TMEM39A: variants seen among roughly 807,000 people sequenced by gnomAD.
TMEM39A encodes suppressor of SQST-1 aggregates in rpl-43 mutants.
Under a neutral mutation model 51.9 loss-of-function variants are expected in TMEM39A, and 19 were observed. That is an observed-to-expected ratio of 0.37 (90% CI 0.26 to 0.54). The LOEUF (loss-of-function observed/expected upper bound fraction) is 0.54. Among genes scored for constraint, TMEM39A ranks in the 20% least tolerant of loss-of-function variants. The probability of loss-of-function intolerance (pLI) is 0.88; values close to 1 mark genes in which losing one functional copy is unlikely to be tolerated. For synonymous variants in TMEM39A, 197 were observed against 220.2 expected, an observed-to-expected ratio of 0.89 and a Z score of 0.93; for missense variants, 433 against 590.5, an observed-to-expected ratio of 0.73 and a Z score of 2.76.
At chr3:119,434,723 C>G (rs2080946077) in intron 8 of TMEM39A, 39 bp downstream of exon 8, 2 of 1,610,386 alleles carry the variant, frequency 1.2e-6, no homozygotes, top group Admixed American at 3.3e-5. Flanking sequence ...TAACACTTAC[C>G]CCTAAGCTTA....
At chr3:119,448,375 G>C (rs1413674561) in intron 4 of TMEM39A, among the ~76,000 whole-genome samples, 1 of 152,062 alleles carries the variant, frequency 6.6e-6, no homozygotes, top group Non-Finnish European at 1.5e-5. Context: ...CCAAAAAGGA[G>C]AAAAAAATTA....
intron 5 of TMEM39A, 51 bp from the exon 6 acceptor site, chr3:119,438,154 C>T (rs773769940): frequency 4.2e-5 from 59 of 1,399,578 alleles, no homozygotes; most frequent in South Asian, 8.0e-5. Flanking sequence ...TAAAATCACA[C>T]CTTATAACTT....
intron 5 of TMEM39A, 71 bp downstream of exon 5, chr3:119,446,947 A>C (rs1001976490): frequency 6.7e-7 from 1 of 1,491,922 alleles, no homozygotes; most frequent in Middle Eastern, 1.8e-4. Flanking sequence ...TTCACTCTTA[A>C]AAGTATCGTT....
chr3:119,437,563 G>A (rs1371285587), intron 6 of TMEM39A, among the ~76,000 whole-genome samples, 192 bp downstream of exon 6: 1 of 150,610 alleles, frequency 6.6e-6, no homozygotes, highest in Non-Finnish European at 1.5e-5. Flanking sequence ...GAACCACCAC[G>A]GGTGCATCAC....
intron 3 of TMEM39A, among the ~76,000 whole-genome samples, chr3:119,456,254 C>T (rs2081261774): frequency 1.3e-5 from 2 of 152,030 alleles, no homozygotes; most frequent in South Asian, 2.1e-4. Context: ...GAATGAAGTA[C>T]AGTTCCTACA....
chr3:119,455,998 A>G (rs1158925602), intron 3 of TMEM39A, among the ~76,000 whole-genome samples: 3 of 152,184 alleles, frequency 2.0e-5, no homozygotes, highest in Admixed American at 6.5e-5. Context: ...TGGGAGTCAT[A>G]TAATGGTACC....
chr3:119,458,313 G>A (rs1198990310), intron 2 of TMEM39A, 73 bp from the exon 3 acceptor site: 1 of 1,298,336 alleles, frequency 7.7e-7, no homozygotes, highest in Admixed American at 1.9e-5. Flanking sequence ...GGCTCCTGCT[G>A]TCTCCTCCAT....
intron 5 of TMEM39A, among the ~76,000 whole-genome samples, chr3:119,445,316 T>C (rs1314646536): frequency 1.3e-5 from 2 of 152,230 alleles, no homozygotes; most frequent in Non-Finnish European, 2.9e-5. Flanking sequence ...TGGAGTGCCA[T>C]GGCGCGATCC....
At position 119,443,157 on chromosome 3, in the gene TMEM39A, G is replaced by A. The variant is rs570247317; in HGVS notation, c.575+3861C>T. 9.2e-5 allele frequency among the ~76,000 whole-genome samples: 14 copies of A among 151,730 alleles called. No individual in the cohort carries two copies. The South Asian group carries it at 2.9e-3, about 32-fold the overall frequency. ...AACGGATAAGGAGCTGCTTCTTATG[G>A]ATAAGAAAGTTGTTTCTTGACATAA... On this transcript the variant is annotated intron_variant, in intron 5 of 8. Coordinates refer to ENST00000319172, the MANE Select transcript of TMEM39A (RefSeq NM_018266.3).
chr3:119,435,488 G>A lies in TMEM39A; in HGVS notation c.1113-606C>T, dbSNP rs1272213106. Reference sequence around the variant, plus strand: ...GGTTTATTTTTATAGAGGTTTCTCTGGGGGAAAAGAAGTTACAGAAGCAGC... The same window carrying A: ...GGTTTATTTTTATAGAGGTTTCTCTAGGGGAAAAGAAGTTACAGAAGCAGC... On this transcript the variant is annotated intron_variant, in intron 7 of 8. Coordinates refer to ENST00000319172, the MANE Select transcript of TMEM39A (RefSeq NM_018266.3). The A allele has an allele frequency of 3.0e-6, 3 of 984,764 alleles. No individual in the cohort carries two copies. The African/African-American group carries it at 5.3e-5, about 17-fold the overall frequency. The allele number at this position is 984,764 out of a possible 1,614,324, so 61.0% of individuals were successfully genotyped here.
intron 3 of TMEM39A, among the ~76,000 whole-genome samples, chr3:119,455,967 G>C (rs1035671358): frequency 2.0e-5 from 3 of 152,006 alleles, no homozygotes; most frequent in Non-Finnish European, 2.9e-5. Flanking sequence ...CAGTTTATAG[G>C]TCTTACATTC....
intron 7 of TMEM39A, chr3:119,435,281 T>C: frequency 1.0e-6 from 1 of 985,336 alleles, no homozygotes; most frequent in Non-Finnish European, 1.2e-6. Flanking sequence ...GTAATAAGAA[T>C]AGTGGAGAAA....
chr3:119,450,901 T>C (rs1014235393), intron 4 of TMEM39A, among the ~76,000 whole-genome samples: 4 of 150,176 alleles, frequency 2.7e-5, no homozygotes, highest in African/African-American at 9.8e-5. Context: ...GCTATACTAC[T>C]TTTAGGGCAT....
rs370872165 is a variant in TMEM39A, at chr3:119,461,992, C to G, written c.83G>C (p.Gly28Ala). The change falls in exon 2 of 9, where the codon GGC becomes GCC. Residue 28 changes from glycine to alanine, a missense_variant. Physicochemically the swap from Gly to Ala is moderately conservative, Grantham distance 60. Coordinates refer to ENST00000319172, the MANE Select transcript of TMEM39A (RefSeq NM_018266.3). ...LPSLQTLVGG[G>A]CGNGTGLRNR... ...TCTCAAGCCTGTTCCATTGCCACAGCCTCCACCAACCAAAGTCTGCAAAGA... is the reference window on the plus strand; with the variant it reads ...TCTCAAGCCTGTTCCATTGCCACAGGCTCCACCAACCAAAGTCTGCAAAGA... 2 of 1,614,100 alleles carry G rather than the reference C, an allele frequency of 1.2e-6. No homozygotes were observed. The highest frequency in any genetic ancestry group is 2.2e-5 in the South Asian group (2 of 91,070).
rs573326823 is a variant in TMEM39A, at chr3:119,450,083, A to G, written c.420+2364T>C. Among the ~76,000 whole-genome samples the G allele has an allele frequency of 2.6e-5, 4 of 152,342 alleles. No homozygotes were observed. In the South Asian group the frequency reaches 8.3e-4, roughly 32 times the overall value. ...TAGGTTTTATCCATCTAATTTAGATATTTTAGGAGGAAAATCACTATACAG... is the reference window on the plus strand; with the variant it reads ...TAGGTTTTATCCATCTAATTTAGATGTTTTAGGAGGAAAATCACTATACAG... On this transcript the variant is annotated intron_variant, in intron 4 of 8. Transcript: ENST00000319172.
At chr3:119,446,312 C>T (rs1161894087) in intron 5 of TMEM39A, among the ~76,000 whole-genome samples, 17 of 152,138 alleles carry the variant, frequency 1.1e-4, no homozygotes, top group Admixed American at 1.1e-3. Context: ...AAATAAAGGT[C>T]ACGTGAACAC....
intron 5 of TMEM39A, among the ~76,000 whole-genome samples, chr3:119,442,734 T>C (rs2081071650): frequency 1.3e-5 from 2 of 151,978 alleles, no homozygotes; most frequent in South Asian, 4.2e-4. Flanking sequence ...TAACCGCAAA[T>C]GTGGAAGAAA....
intron 6 of TMEM39A, 66 bp downstream of exon 6, chr3:119,437,689 A>T: frequency 7.6e-7 from 1 of 1,310,898 alleles, no homozygotes; most frequent in African/African-American, 1.5e-5. Context: ...ATTAAACAAG[A>T]AATACCCAGT....
rs749444355 is a variant in TMEM39A at position 119,431,930 on chromosome 3, A to G, written c.*51T>C. 8.3e-7 allele frequency: 1 copy of G among 1,197,882 alleles called. No homozygotes were observed. Among genetic ancestry groups the G allele is most frequent in the South Asian group, 1.7e-5 (1 of 58,090 alleles). The allele number at this position is 1,197,882 out of a possible 1,614,324, so 74.2% of individuals were successfully genotyped here. On this transcript the variant is annotated 3_prime_UTR_variant, in exon 9 of 9. Transcript: ENST00000319172. ...TATAAAAATCACAAGAAAAAAATAG[A>G]ACGTATGAAAATATTTTTATCTGAG...
Sources: gnomAD v4.1 joint callset for allele counts (sites outside exome capture counted in the v4.1 genomes callset) on GRCh38, gnomAD v4.1.1 for gene constraint, MANE v1.5 for transcripts, NCBI Gene and HGNC (gene_info 2026-07-23, HGNC 2026-07-21) for gene names.